Variants in FRMD4A observed in about 807,000 individuals in gnomAD.
FRMD4A encodes the protein FERM domain containing 4A, also known as FERM domain-containing protein 4A.
In FRMD4A, 29 loss-of-function variants were observed where a neutral mutation model predicts 129.1. The observed-to-expected ratio is 0.22, with a 90% CI of 0.17 to 0.31. FRMD4A has a LOEUF of 0.31. FRMD4A is among the 10% of genes least tolerant of loss of function. The pLI, the probability that FRMD4A is intolerant of heterozygous loss-of-function variation, is 1.00. For synonymous variants in FRMD4A, 634 were observed against 571.6 expected, an observed-to-expected ratio of 1.11 and a Z score of -1.56; for missense variants, 1,272 against 1,375.8, an observed-to-expected ratio of 0.92 and a Z score of 1.19.
chr10:13,827,814 G>A (rs1005996194), intron 3 of FRMD4A, among the ~76,000 whole-genome samples: 15 of 152,216 alleles, frequency 9.9e-5, no homozygotes, highest in African/African-American at 3.6e-4. Flanking sequence ...ACGCCAGGAG[G>A]AGTGGGAGAG....
chr10:14,023,116 A>C (rs1397085860), intron 2 of FRMD4A, among the ~76,000 whole-genome samples: 1 of 151,914 alleles, frequency 6.6e-6, no homozygotes, highest in Non-Finnish European at 1.5e-5. Context: ...ACTTCTCATA[A>C]AGTCATGACC....
chr10:14,181,257 G>C (rs1285269477), intron 2 of FRMD4A, among the ~76,000 whole-genome samples: 1 of 152,154 alleles, frequency 6.6e-6, no homozygotes, highest in African/African-American at 2.4e-5. Flanking sequence ...ATTTTCCCGT[G>C]TTTGAAAAGA....
intron 12 of FRMD4A, among the ~76,000 whole-genome samples, chr10:13,716,371 T>C (rs1471550348): frequency 6.6e-6 from 1 of 152,168 alleles, no homozygotes; most frequent in African/African-American, 2.4e-5. Context: ...AATGGGAACA[T>C]ATCAGGCCCT....
At chr10:13,675,132 G>A (rs2083865021) in intron 15 of FRMD4A, 88 bp from the exon 16 acceptor site, 16 of 1,235,696 alleles carry the variant, frequency 1.3e-5, no homozygotes, top group Admixed American at 8.6e-5. Context: ...CCATGCTGCG[G>A]AGATGGGATT....
rs141122864 is a variant in FRMD4A at position 13,830,785 on chromosome 10, A to G, written c.112-19877T>C. Among the ~76,000 whole-genome samples the G allele has an allele frequency of 5.4e-3, 814 of 151,966 alleles. 12 individuals carry two copies. Among genetic ancestry groups the G allele is most frequent in the African/African-American group, 0.018 (761 of 41,492 alleles). ...TGTGTGCACAGGAGTACTTGGTGTCATAAGTTTTGCTTATTATTATTAGAG... is the reference window on the plus strand; with the variant it reads ...TGTGTGCACAGGAGTACTTGGTGTCGTAAGTTTTGCTTATTATTATTAGAG... On this transcript the variant is annotated intron_variant, in intron 3 of 24. Transcript: ENST00000357447.
chr10:14,247,406 A>G (rs566453733), intron 2 of FRMD4A, among the ~76,000 whole-genome samples: 1 of 152,356 alleles, frequency 6.6e-6, no homozygotes, highest in South Asian at 2.1e-4. Context: ...AATGCAGCTC[A>G]TAGCACCTGT....
At chr10:14,258,057 G>A (rs1844677168) in intron 2 of FRMD4A, among the ~76,000 whole-genome samples, 1 of 151,944 alleles carries the variant, frequency 6.6e-6, no homozygotes, top group Non-Finnish European at 1.5e-5. Flanking sequence ...CTCAAAACGT[G>A]TCATATTCTG....
chr10:13,823,035 T>C lies in FRMD4A; in HGVS notation c.112-12127A>G, dbSNP rs78490697. Among the ~76,000 whole-genome samples, 525 of 152,326 alleles carry C rather than the reference T, an allele frequency of 3.4e-3. 5 individuals are homozygous for C. Among genetic ancestry groups the C allele is most frequent in the African/African-American group, 0.012 (484 of 41,572 alleles). On this transcript the variant is annotated intron_variant, in intron 3 of 24. Coordinates refer to ENST00000357447, the MANE Select transcript of FRMD4A (RefSeq NM_018027.5). ...GTCATCTTCTTATTTCCACATAGTTTCTTCCATATTTTCCTAAGATGCAGT... is the reference window on the plus strand; with the variant it reads ...GTCATCTTCTTATTTCCACATAGTTCCTTCCATATTTTCCTAAGATGCAGT...
rs2081102460 is a variant in FRMD4A, at chr10:13,646,127, C to G, written c.*911G>C. The G allele has an allele frequency of 1.3e-5, 2 of 152,580 alleles. No individual in the cohort carries two copies. The highest frequency in any genetic ancestry group is 1.3e-4 in the Admixed American group (2 of 15,280). The allele number at this position is 152,580 out of a possible 1,614,324, so 9.5% of individuals were successfully genotyped here. On this transcript the variant is annotated 3_prime_UTR_variant, in exon 25 of 25. Transcript: ENST00000357447. ...GCAACGCCAGCCAAGACTTCCTCGC[C>G]TTTACCGTGGCATTGGGGCAGTTTT...
intron 2 of FRMD4A, among the ~76,000 whole-genome samples, chr10:14,314,246 C>A (rs1846655679): frequency 6.6e-6 from 1 of 152,024 alleles, no homozygotes. Context: ...GCAAGAAAAT[C>A]TGATCCACAA....
chr10:14,119,004 G>C (rs1405702068), intron 2 of FRMD4A, among the ~76,000 whole-genome samples: 1 of 152,186 alleles, frequency 6.6e-6, no homozygotes, highest in South Asian at 2.1e-4. Context: ...CCAGGGATGA[G>C]CTAAGAACCC....
At chr10:13,678,784 A>T (rs995539156) in intron 15 of FRMD4A, among the ~76,000 whole-genome samples, 15 of 152,160 alleles carry the variant, frequency 9.9e-5, no homozygotes, top group South Asian at 6.2e-4. Context: ...CTTTAAAAAA[A>T]TTTTTTTAAT....
intron 2 of FRMD4A, among the ~76,000 whole-genome samples, chr10:13,874,300 G>C (rs1398235380): frequency 6.9e-6 from 1 of 145,626 alleles, no homozygotes; most frequent in Admixed American, 6.9e-5. Context: ...GCTTCTGTTT[G>C]TTTCACTCTT....
chr10:13,988,319 T>G (rs4750446), intron 2 of FRMD4A, among the ~76,000 whole-genome samples: 44,393 of 151,868 alleles, frequency 0.29, 7,599 homozygotes, highest in East Asian at 0.72. Context: ...CTCTTCGACC[T>G]TGGTAGGATG....
intron 6 of FRMD4A, among the ~76,000 whole-genome samples, chr10:13,777,975 G>C (rs2092639107): frequency 6.6e-6 from 1 of 151,670 alleles, no homozygotes; most frequent in Admixed American, 6.6e-5. Context: ...GCTAACTTTT[G>C]TATTTTTAGT....
At chr10:14,249,195 T>C (rs1448084212) in intron 2 of FRMD4A, among the ~76,000 whole-genome samples, 7 of 151,632 alleles carry the variant, frequency 4.6e-5, no homozygotes, top group African/African-American at 1.5e-4. Flanking sequence ...TACTAAAAAA[T>C]AGGAAAATTA....
chr10:13,756,616 C>T (rs4750408), intron 8 of FRMD4A, among the ~76,000 whole-genome samples: 50,839 of 152,048 alleles, frequency 0.33, 9,162 homozygotes, highest in African/African-American at 0.47. Context: ...CCATCCGCCT[C>T]GGCCTCCCAA....
At chr10:14,013,431 C>T (rs767820032) in intron 2 of FRMD4A, among the ~76,000 whole-genome samples, 3 of 152,110 alleles carry the variant, frequency 2.0e-5, no homozygotes, top group Non-Finnish European at 2.9e-5. Flanking sequence ...ACCTCACCTC[C>T]AGGCTGTAGG....
chr10:13,759,805 G>A (rs188317919), intron 8 of FRMD4A, among the ~76,000 whole-genome samples: 12 of 152,278 alleles, frequency 7.9e-5, no homozygotes, highest in African/African-American at 2.9e-4. Flanking sequence ...GCTACTTACA[G>A]TCATTATCTA....
Sources: allele counts gnomAD v4.1 joint callset (sites outside exome capture counted in the v4.1 genomes callset), GRCh38; gene constraint gnomAD v4.1.1; transcripts MANE v1.5; gene names NCBI Gene and HGNC (gene_info 2026-07-23, HGNC 2026-07-21).